The following RPH3A variants were observed in gnomAD, a reference collection of about 807,000 sequenced individuals.
RPH3A encodes the protein rabphilin 3A.
Under a neutral mutation model 102.2 loss-of-function variants are expected in RPH3A, and 48 were observed. That is an observed-to-expected ratio of 0.47 (90% CI 0.37 to 0.60). The LOEUF is 0.60. Among genes scored for constraint, RPH3A ranks in the 20% least tolerant of loss-of-function variants. The pLI, the probability that RPH3A is intolerant of heterozygous loss-of-function variation, is 0.00. For synonymous variants in RPH3A, 310 were observed against 324.3 expected, an observed-to-expected ratio of 0.96 and a Z score of 0.47; for missense variants, 781 against 910.1, an observed-to-expected ratio of 0.86 and a Z score of 1.83.
rs532473491 is a variant in RPH3A at position 112,760,752 on chromosome 12, G to A, written c.-139-31391G>A. On this transcript the variant is annotated intron_variant, in intron 1 of 21. Coordinates refer to the RPH3A transcript ENST00000543106. The stretch of plus-strand genomic sequence containing the variant: ...AAACTTCTGAAAGGAAGAAAAGATG[G>A]CAAATCCATGGCATGGGGGACATCA... 5.3e-5 allele frequency among the ~76,000 whole-genome samples: 8 copies of A among 152,294 alleles called. No individual in the cohort carries two copies. In the East Asian group the frequency reaches 1.5e-3, roughly 29 times the overall value.
chr12:112,886,084 T>C (rs932612427), intron 16 of RPH3A, among the ~76,000 whole-genome samples: 14 of 152,338 alleles, frequency 9.2e-5, no homozygotes, highest in African/African-American at 3.4e-4. Flanking sequence ...AGGACTCAGC[T>C]ATGAGGGTGT....
intron 4 of RPH3A, among the ~76,000 whole-genome samples, chr12:112,839,988 C>CA (rs1005790719): frequency 5.4e-5 from 8 of 149,008 alleles, no homozygotes; most frequent in Non-Finnish European, 7.4e-5. Context: ...GACACCATCT[C>CA]AAAAAAAAAG....
At chr12:112,714,382 G>T (rs2040500328) in intron 1 of RPH3A, among the ~76,000 whole-genome samples, 1 of 152,164 alleles carries the variant, frequency 6.6e-6, no homozygotes. Flanking sequence ...AGGACTCAGG[G>T]TGCGTGCAGG....
chr12:112,700,289 G>A (rs994535858), intron 1 of RPH3A, among the ~76,000 whole-genome samples: 11 of 152,004 alleles, frequency 7.2e-5, no homozygotes, highest in Non-Finnish European at 1.3e-4. Flanking sequence ...GTCTGTTCTC[G>A]AACTCCTGAC....
intron 3 of RPH3A, among the ~76,000 whole-genome samples, chr12:112,833,039 C>T (rs1043925279): frequency 3.3e-5 from 5 of 149,630 alleles, no homozygotes; most frequent in Admixed American, 1.4e-4. Context: ...CAGGTTCAAG[C>T]GATTCTTTTG....
intron 1 of RPH3A, among the ~76,000 whole-genome samples, chr12:112,709,577 G>A (rs928920720): frequency 6.6e-6 from 1 of 151,522 alleles, no homozygotes; most frequent in Non-Finnish European, 1.5e-5. Flanking sequence ...TTACTCTCGT[G>A]TCAGGTGCTG....
intron 1 of RPH3A, among the ~76,000 whole-genome samples, chr12:112,681,533 C>T (rs960633917): frequency 3.3e-5 from 5 of 152,206 alleles, no homozygotes; most frequent in Non-Finnish European, 7.3e-5. Context: ...TAAGCCACCA[C>T]CATCTCTTCC....
chr12:112,868,645 A>G (rs1234138755), intron 8 of RPH3A, 50 bp downstream of exon 8: 1 of 1,580,192 alleles, frequency 6.3e-7, no homozygotes, highest in East Asian at 2.2e-5. Flanking sequence ...ATCTTAGCCA[A>G]CTGGTCTACC....
chr12:112,685,049 C>T (rs189115036), intron 1 of RPH3A, among the ~76,000 whole-genome samples: 98 of 152,266 alleles, frequency 6.4e-4, no homozygotes, highest in Non-Finnish European at 7.8e-4. Context: ...GCCTCAGCCT[C>T]GCTCACCACC....
At chr12:112,615,313 A>T (rs1225454510) in intron 1 of RPH3A, among the ~76,000 whole-genome samples, 1 of 152,038 alleles carries the variant, frequency 6.6e-6, no homozygotes, top group Non-Finnish European at 1.5e-5. Context: ...TCCTGCCCCC[A>T]GCCATCTGGT....
chr12:112,670,858 C>T (rs957965783), intron 1 of RPH3A, among the ~76,000 whole-genome samples: 4 of 152,108 alleles, frequency 2.6e-5, no homozygotes, highest in African/African-American at 7.2e-5. Context: ...GTGGCCAAAA[C>T]AAGACACGAG....
chr12:112,870,452 G>A (rs1382460612), intron 10 of RPH3A, among the ~76,000 whole-genome samples: 1 of 152,028 alleles, frequency 6.6e-6, no homozygotes, highest in Non-Finnish European at 1.5e-5. Context: ...GGTCAGCATG[G>A]CCAGGATGTC....
At chr12:112,856,145 G>A (rs538993103) in intron 5 of RPH3A, among the ~76,000 whole-genome samples, 1 of 152,324 alleles carries the variant, frequency 6.6e-6, no homozygotes, top group East Asian at 1.9e-4. Flanking sequence ...ACTGGGGCAA[G>A]CAGGGTGCAG....
intron 1 of RPH3A, among the ~76,000 whole-genome samples, chr12:112,619,163 A>G (rs901732114): frequency 6.6e-6 from 1 of 151,744 alleles, no homozygotes; most frequent in Non-Finnish European, 1.5e-5. Flanking sequence ...TGCTGATAAC[A>G]TTGGTGTTCA....
At chr12:112,615,949 T>C (rs186009294) in intron 1 of RPH3A, among the ~76,000 whole-genome samples, 2 of 152,260 alleles carry the variant, frequency 1.3e-5, no homozygotes, top group Non-Finnish European at 2.9e-5. Context: ...TTGTTTGAGA[T>C]GGGGGCACTG....
intron 3 of RPH3A, among the ~76,000 whole-genome samples, chr12:112,832,960 C>T (rs1252557844): frequency 1.6e-5 from 2 of 128,406 alleles, no homozygotes; most frequent in African/African-American, 5.8e-5. Flanking sequence ...TTTTTGAGAC[C>T]GAGTCTTGCT....
In RPH3A at chr12:112,877,453, CA is replaced by C. The variant is rs1369534277; in HGVS notation, c.1171+588del. 2.7e-5 allele frequency among the ~76,000 whole-genome samples: 4 copies of C among 149,018 alleles called. No homozygotes were observed. The East Asian group carries it at 8.3e-4, about 31-fold the overall frequency. On this transcript the variant is annotated intron_variant, in intron 13 of 21. Transcript: ENST00000389385. Reference sequence around the variant, plus strand: ...ACACACACACACACACACACACACACACACACCAGTGGCATTTCCCCCCGCT... The same window carrying C: ...ACACACACACACACACACACACACACCACACCAGTGGCATTTCCCCCCGCT...
At chr12:112,876,583 G>T in intron 12 of RPH3A, 59 bp from the exon 13 acceptor site, 4 of 1,235,758 alleles carry the variant, frequency 3.2e-6, no homozygotes, top group South Asian at 3.0e-5. Flanking sequence ...ATGTCCCTAG[G>T]TGCTGCTGTT....
chr12:112,652,933 C>T (rs1350615511), intron 1 of RPH3A, among the ~76,000 whole-genome samples: 1 of 152,152 alleles, frequency 6.6e-6, no homozygotes, highest in Non-Finnish European at 1.5e-5. Flanking sequence ...GATGGTATAG[C>T]CTATTGTACC....
Sources: allele counts gnomAD v4.1 joint callset (sites outside exome capture counted in the v4.1 genomes callset), GRCh38; gene constraint gnomAD v4.1.1; transcripts MANE v1.5; gene names NCBI Gene and HGNC (gene_info 2026-07-23, HGNC 2026-07-21).